The following PTPRN2 variants were observed in gnomAD, a reference collection of about 807,000 sequenced individuals.
PTPRN2 encodes receptor-type tyrosine-protein phosphatase N2.
PTPRN2 carries 74 observed loss-of-function variants against 118.8 expected under a neutral mutation model. The ratio of observed to expected loss-of-function variants is 0.62; its 90% CI spans 0.52 to 0.76. The LOEUF is 0.76. PTPRN2 is among the 30% of genes least tolerant of loss of function. PTPRN2 has a pLI of 0.00. For synonymous variants in PTPRN2, 641 were observed against 608.0 expected (o/e 1.05, Z -0.80); for missense variants, 1,481 against 1,394.4 (o/e 1.06, Z -0.99).
intron 12 of PTPRN2, among the ~76,000 whole-genome samples, chr7:157,771,600 C>A (rs1031883736): frequency 1.3e-5 from 2 of 152,214 alleles, no homozygotes; most frequent in Non-Finnish European, 2.9e-5. Context: ...GAAAGACACA[C>A]ACGGCACAGG....
In PTPRN2 at chr7:158,138,271, G is replaced by T. The variant is rs753223830; in HGVS notation, c.1132+23C>A. The T allele has an allele frequency of 1.9e-6, 3 of 1,600,822 alleles. No individual in the cohort carries two copies. The East Asian group carries it at 6.7e-5, about 36-fold the overall frequency. ...CCTCCCCGCAGCACCCCTGGGTGTG[G>T]GCACCCATGGCGCTGCAGTCACCTG... On this transcript the variant is annotated intron_variant, in intron 7 of 22. Coordinates refer to ENST00000389418, the MANE Select transcript of PTPRN2 (RefSeq NM_002847.5).
At chr7:158,266,000 C>G (rs1199629596) in intron 3 of PTPRN2, among the ~76,000 whole-genome samples, 5 of 145,786 alleles carry the variant, frequency 3.4e-5, no homozygotes, top group Non-Finnish European at 1.5e-5. Flanking sequence ...GACCCCTGGT[C>G]TGGAGGACCA....
intron 2 of PTPRN2, among the ~76,000 whole-genome samples, chr7:158,452,881 T>C (rs191460092): frequency 6.6e-6 from 1 of 152,206 alleles, no homozygotes; most frequent in African/African-American, 2.4e-5. Context: ...CACGGGGTCT[T>C]ACTCTGTTGC....
chr7:157,684,283 C>G (rs978954066), intron 12 of PTPRN2, among the ~76,000 whole-genome samples: 3 of 151,244 alleles, frequency 2.0e-5, no homozygotes, highest in Non-Finnish European at 4.4e-5. Flanking sequence ...TGCCTGGATG[C>G]GCGGCTCGGA....
intron 9 of PTPRN2, among the ~76,000 whole-genome samples, chr7:158,131,994 A>G (rs1169964435): frequency 2.7e-5 from 4 of 147,582 alleles, no homozygotes; most frequent in African/African-American, 1.0e-4. Context: ...ACACTCACAC[A>G]CATGTAAATA....
intron 2 of PTPRN2, among the ~76,000 whole-genome samples, chr7:158,340,331 C>T (rs1471394062): frequency 2.0e-5 from 2 of 101,664 alleles, no homozygotes; most frequent in Admixed American, 1.0e-4. Flanking sequence ...TCACTCACAC[C>T]CACACTGTCA....
At chr7:158,145,652 C>T (rs1364895623) in intron 6 of PTPRN2, among the ~76,000 whole-genome samples, 1 of 152,242 alleles carries the variant, frequency 6.6e-6, no homozygotes, top group African/African-American at 2.4e-5. Flanking sequence ...ACTGAACCAA[C>T]AGGGGCTCCC....
intron 12 of PTPRN2, among the ~76,000 whole-genome samples, chr7:157,872,869 T>C (rs1022659491): frequency 1.3e-5 from 2 of 152,186 alleles, no homozygotes; most frequent in African/African-American, 2.4e-5. Flanking sequence ...TGCTGCTGCC[T>C]CTCCACAGCT....
At chr7:158,552,529 A>G (rs1190335367) in intron 1 of PTPRN2, among the ~76,000 whole-genome samples, 1 of 152,158 alleles carries the variant, frequency 6.6e-6, no homozygotes, top group Non-Finnish European at 1.5e-5. Flanking sequence ...AGCTCACTAC[A>G]ATCTCTTCCT....
chr7:157,814,357 G>A (rs1806251468), intron 12 of PTPRN2, among the ~76,000 whole-genome samples: 1 of 152,130 alleles, frequency 6.6e-6, no homozygotes, highest in Non-Finnish European at 1.5e-5. Context: ...GACAGCAATG[G>A]CTTCCTCAGC....
At chr7:158,314,516 G>A (rs1238646369) in intron 3 of PTPRN2, among the ~76,000 whole-genome samples, 4 of 152,260 alleles carry the variant, frequency 2.6e-5, no homozygotes, top group African/African-American at 9.6e-5. Flanking sequence ...GCACTGGCCT[G>A]CGCACAGCAC....
At chr7:157,601,448 G>GAA (rs5888722) in intron 16 of PTPRN2, among the ~76,000 whole-genome samples, 12,651 of 148,612 alleles carry the variant, frequency 0.085, 707 homozygotes, top group East Asian at 0.25. Flanking sequence ...CCCAAATTTG[G>GAA]AAAAAAAAAA....
chr7:158,522,071 G>C (rs190225282), intron 1 of PTPRN2, among the ~76,000 whole-genome samples: 16 of 72,276 alleles, frequency 2.2e-4, no homozygotes, highest in Non-Finnish European at 4.0e-4. Flanking sequence ...CACAATGGTG[G>C]ACTGTCCAGG....
At chr7:157,976,172 G>T (rs1216985254) in intron 11 of PTPRN2, among the ~76,000 whole-genome samples, 3 of 152,240 alleles carry the variant, frequency 2.0e-5, no homozygotes, top group Non-Finnish European at 2.9e-5. Context: ...GCAGCTTAGG[G>T]CTGGTTCCCA....
intron 12 of PTPRN2, among the ~76,000 whole-genome samples, chr7:157,875,050 CACAG>C (rs950900959): frequency 2.6e-5 from 4 of 152,214 alleles, no homozygotes; most frequent in African/African-American, 7.2e-5. Context: ...CACGCGCACA[CACAG>C]ACACACACAC....
intron 11 of PTPRN2, among the ~76,000 whole-genome samples, chr7:157,972,756 G>A (rs1473644940): frequency 4.6e-5 from 7 of 151,302 alleles, no homozygotes; most frequent in African/African-American, 1.5e-4. Context: ...TCCACACCAC[G>A]AGAGCAGGGC....
intron 20 of PTPRN2, among the ~76,000 whole-genome samples, chr7:157,569,230 TC>T (rs1799642612): frequency 6.6e-6 from 1 of 152,168 alleles, no homozygotes; most frequent in African/African-American, 2.4e-5. Context: ...TCTTGCTTGT[TC>T]CCCCCTCTTT....
At chr7:158,342,350 G>A (rs111902068) in intron 2 of PTPRN2, among the ~76,000 whole-genome samples, 21 of 118,048 alleles carry the variant, frequency 1.8e-4, no homozygotes, top group Non-Finnish European at 3.5e-4. Context: ...ACCTGCAGAC[G>A]TCACTCACAC....
chr7:158,574,205 T>C lies in PTPRN2; in HGVS notation c.112+13353A>G, dbSNP rs997232300. ...TGTGCATCGAGACAGCAAATAACCATAGATTGAAGCTCTCCAGATTAGACA... is the reference window on the plus strand; with the variant it reads ...TGTGCATCGAGACAGCAAATAACCACAGATTGAAGCTCTCCAGATTAGACA... On this transcript the variant is annotated intron_variant, in intron 1 of 22. Coordinates refer to ENST00000389418, the MANE Select transcript of PTPRN2 (RefSeq NM_002847.5). The surrounding 1 kb of genome is among the most constrained non-coding windows in gnomAD (Gnocchi z 4.6). Among the ~76,000 whole-genome samples, 2 of 152,208 alleles carry C rather than the reference T, an allele frequency of 1.3e-5. No homozygotes were observed. The highest frequency in any genetic ancestry group is 2.9e-5 in the Non-Finnish European group (2 of 68,030).
Sources: allele counts gnomAD v4.1 joint callset (sites outside exome capture counted in the v4.1 genomes callset), GRCh38; gene constraint gnomAD v4.1.1; non-coding constraint Gnocchi (gnomAD v3.1); transcripts MANE v1.5; gene names NCBI Gene and HGNC (gene_info 2026-07-23, HGNC 2026-07-21).